Variants in PBX3 observed in about 807,000 individuals in gnomAD.
PBX3 encodes the protein PBX homeobox 3.
In PBX3, 14 loss-of-function variants were observed where a neutral mutation model predicts 48.5. The ratio of observed to expected loss-of-function variants is 0.29; its 90% CI spans 0.19 to 0.45. PBX3 has a LOEUF of 0.45. Among genes scored for constraint, PBX3 ranks in the 20% least tolerant of loss-of-function variants. The probability of loss-of-function intolerance (pLI) is 1.00; values close to 1 mark genes in which losing one functional copy is unlikely to be tolerated. For synonymous variants in PBX3, 210 were observed against 200.3 expected (o/e 1.05, Z -0.41); for missense variants, 386 against 546.7 (o/e 0.71, Z 2.93).
Position 125,902,486 on chromosome 9 carries a change from C to T in PBX3, c.275-13200C>T, listed in dbSNP as rs148554401. 1.8e-3 allele frequency among the ~76,000 whole-genome samples: 270 copies of T among 151,690 alleles called. 3 individuals carry two copies. Among genetic ancestry groups the T allele is most frequent in the Admixed American group, 0.012 (184 of 15,144 alleles). ...TTACTAGTTCTTTCACAGAGTAAGGCTTGTCTTTGTTCTTTGTATTTTTGT... is the reference window on the plus strand; with the variant it reads ...TTACTAGTTCTTTCACAGAGTAAGGTTTGTCTTTGTTCTTTGTATTTTTGT... On this transcript the variant is annotated intron_variant, in intron 2 of 8. Transcript: ENST00000373489.
At chr9:125,902,782 T>C (rs2132428140) in intron 2 of PBX3, among the ~76,000 whole-genome samples, 1 of 151,850 alleles carries the variant, frequency 6.6e-6, no homozygotes, top group Middle Eastern at 3.4e-3. Flanking sequence ...AACGACGTGT[T>C]AATTACTGTA....
At chr9:125,762,661 G>T (rs747976446) in intron 2 of PBX3, among the ~76,000 whole-genome samples, 1 of 152,176 alleles carries the variant, frequency 6.6e-6, no homozygotes, top group Admixed American at 6.5e-5. Context: ...CTTATTGGCC[G>T]CTGTGTTAAG....
intron 2 of PBX3, among the ~76,000 whole-genome samples, chr9:125,808,404 A>G (rs529939292): frequency 5.3e-5 from 8 of 152,310 alleles, no homozygotes; most frequent in African/African-American, 1.9e-4. Context: ...GGCTGAGTGC[A>G]GTGGCCCACC....
intron 5 of PBX3, among the ~76,000 whole-genome samples, chr9:125,951,689 T>C (rs1204258088): frequency 6.6e-6 from 1 of 152,208 alleles, no homozygotes; most frequent in Non-Finnish European, 1.5e-5. Context: ...GAGATATCAT[T>C]ATCCCACCTT....
chr9:125,790,418 A>G (rs760536141), intron 2 of PBX3, among the ~76,000 whole-genome samples: 7 of 151,630 alleles, frequency 4.6e-5, no homozygotes, highest in Non-Finnish European at 1.0e-4. Flanking sequence ...ACGCCTGGCT[A>G]ATTTTTTGTA....
At chr9:125,957,535 CAG>C (rs963964781) in intron 5 of PBX3, among the ~76,000 whole-genome samples, 3 of 152,200 alleles carry the variant, frequency 2.0e-5, no homozygotes, top group African/African-American at 7.2e-5. Flanking sequence ...TATGCATAAA[CAG>C]AGGATTCTTA....
chr9:125,883,792 G>A (rs1008125472), intron 2 of PBX3, among the ~76,000 whole-genome samples: 1 of 152,152 alleles, frequency 6.6e-6, no homozygotes, highest in Non-Finnish European at 1.5e-5. Flanking sequence ...AGATAAAACA[G>A]CATTTATAGT....
At chr9:125,804,000 G>A (rs1838045767) in intron 2 of PBX3, among the ~76,000 whole-genome samples, 1 of 152,140 alleles carries the variant, frequency 6.6e-6, no homozygotes, top group African/African-American at 2.4e-5. Context: ...TGACTTTGGG[G>A]TCTTTATCTA....
chr9:125,799,423 T>C (rs1837875952), intron 2 of PBX3, among the ~76,000 whole-genome samples: 1 of 151,896 alleles, frequency 6.6e-6, no homozygotes, highest in Admixed American at 6.5e-5. Flanking sequence ...GGACGATTTC[T>C]TGAGCCCAGG....
At chr9:125,928,298 G>A (rs1588305507) in intron 3 of PBX3, among the ~76,000 whole-genome samples, 1 of 152,072 alleles carries the variant, frequency 6.6e-6, no homozygotes, top group African/African-American at 2.4e-5. Context: ...AGGATTGCTT[G>A]AGCCCAGGGG....
chr9:125,826,218 A>C (rs1250252985), intron 2 of PBX3, among the ~76,000 whole-genome samples: 1 of 152,146 alleles, frequency 6.6e-6, no homozygotes. Context: ...AACATTTTTC[A>C]TGGCTCAATT....
At chr9:125,792,077 TATAA>T (rs568467335) in intron 2 of PBX3, among the ~76,000 whole-genome samples, 51 of 146,168 alleles carry the variant, frequency 3.5e-4, no homozygotes, top group African/African-American at 8.6e-4. Context: ...CACGCACGCA[TATAA>T]ATAAATAAAT....
intron 5 of PBX3, among the ~76,000 whole-genome samples, chr9:125,958,004 A>G (rs1480349194): frequency 6.6e-6 from 1 of 152,242 alleles, no homozygotes; most frequent in East Asian, 1.9e-4. Flanking sequence ...ACATGCTTTA[A>G]GAAGCGTAAT....
intron 2 of PBX3, among the ~76,000 whole-genome samples, chr9:125,902,337 G>A (rs1840966193): frequency 6.6e-6 from 1 of 151,636 alleles, no homozygotes; most frequent in East Asian, 1.9e-4. Flanking sequence ...AGAATTTGTT[G>A]TACTCGCATT....
At chr9:125,882,074 TAAA>T (rs958682332) in intron 2 of PBX3, among the ~76,000 whole-genome samples, 7 of 151,654 alleles carry the variant, frequency 4.6e-5, no homozygotes, top group Admixed American at 6.6e-5. Context: ...AAAATAAAAA[TAAA>T]AAAATAGCCA....
At chr9:125,923,414 C>T (rs890261483) in intron 3 of PBX3, among the ~76,000 whole-genome samples, 43 of 152,180 alleles carry the variant, frequency 2.8e-4, no homozygotes, top group African/African-American at 7.7e-4. Flanking sequence ...CTTCCATACT[C>T]TGGTACAGCA....
chr9:125,800,706 C>T, intron 2 of PBX3, among the ~76,000 whole-genome samples: 1 of 149,564 alleles, frequency 6.7e-6, no homozygotes, highest in African/African-American at 2.5e-5. Context: ...CTTTCTTTTA[C>T]TTAAAGGTTT....
intron 2 of PBX3, among the ~76,000 whole-genome samples, chr9:125,797,779 TTCATTCTACA>T (rs1427105774): frequency 1.3e-5 from 2 of 152,150 alleles, no homozygotes; most frequent in Non-Finnish European, 2.9e-5. Flanking sequence ...TTTAGACTTG[TTCATTCTACA>T]TATCTGGGGT....
At chr9:125,923,682 C>G (rs1416530670) in intron 3 of PBX3, among the ~76,000 whole-genome samples, 1 of 152,148 alleles carries the variant, frequency 6.6e-6, no homozygotes, top group Non-Finnish European at 1.5e-5. Flanking sequence ...TCTCCTACCT[C>G]AGCCTCCTGA....
Sources: gnomAD v4.1 joint callset for allele counts (sites outside exome capture counted in the v4.1 genomes callset) on GRCh38, gnomAD v4.1.1 for gene constraint, MANE v1.5 for transcripts, NCBI Gene and HGNC (gene_info 2026-07-23, HGNC 2026-07-21) for gene names.